GLIS3: variants seen among roughly 807,000 people sequenced by gnomAD.
GLIS3 encodes the protein zinc finger protein GLIS3.
Under a neutral mutation model 78.6 loss-of-function variants are expected in GLIS3, and 53 were observed. That is an observed-to-expected ratio of 0.67 (90% CI 0.54 to 0.85). GLIS3 has a LOEUF of 0.85. Ranked by LOEUF, GLIS3 falls within the 40% of genes least tolerant of loss-of-function variation. The pLI is 0.00. For synonymous variants in GLIS3, 684 were observed against 509.9 expected, an observed-to-expected ratio of 1.34 and a Z score of -4.60; for missense variants, 1,703 against 1,231.1, an observed-to-expected ratio of 1.38 and a Z score of -5.74.
At chr9:4,202,644 G>C (rs1015594449) in intron 2 of GLIS3, among the ~76,000 whole-genome samples, 1 of 152,024 alleles carries the variant, frequency 6.6e-6, no homozygotes, top group Non-Finnish European at 1.5e-5. Context: ...GAATAGAATA[G>C]AGAACCCAGA....
At chr9:4,186,795 T>C (rs981907570) in intron 2 of GLIS3, among the ~76,000 whole-genome samples, 3 of 152,244 alleles carry the variant, frequency 2.0e-5, no homozygotes, top group Admixed American at 2.0e-4. Context: ...CATAAATGTC[T>C]TCTTTTGAGA....
rs1825626769 is a variant in GLIS3, at chr9:4,050,232, T to C, written c.1710+67536A>G. 3.9e-5 allele frequency among the ~76,000 whole-genome samples: 6 copies of C among 152,110 alleles called. No individual in the cohort carries two copies. In the South Asian group the frequency reaches 1.0e-3, roughly 26 times the overall value. ...GCAATGATAGACTGGATTAAGAAAA[T>C]GTGGCACATATACCCCATGGAATAC... On this transcript the variant is annotated intron_variant, in intron 4 of 10. Transcript: ENST00000381971.
the GLIS3 span, among the ~76,000 whole-genome samples, chr9:4,467,920 T>C: frequency 6.6e-6 from 1 of 152,102 alleles, no homozygotes; most frequent in African/African-American, 2.4e-5. Context: ...CTAACTAGAA[T>C]AAACAGCATA....
At chr9:4,120,024 T>C (rs540376969) in intron 3 of GLIS3, among the ~76,000 whole-genome samples, 10 of 152,240 alleles carry the variant, frequency 6.6e-5, no homozygotes, top group Non-Finnish European at 1.5e-4. Context: ...TTATTATATG[T>C]ACCTGCATTG....
chr9:4,009,946 C>G (rs1821864320), intron 4 of GLIS3, among the ~76,000 whole-genome samples: 1 of 152,194 alleles, frequency 6.6e-6, no homozygotes, highest in Non-Finnish European at 1.5e-5. Context: ...CCCAAGTTTT[C>G]CTCTGCCAAA....
rs1817719831 is a variant in GLIS3 at position 3,826,274 on chromosome 9, T to C, written c.*1998A>G. The C allele has an allele frequency of 6.6e-6, 1 of 152,140 alleles. No homozygotes were observed. The highest frequency in any genetic ancestry group is 2.1e-4 in the South Asian group (1 of 4,820). The allele number at this position is 152,140 out of a possible 1,614,324, so 9.4% of individuals were successfully genotyped here. A position where few individuals can be genotyped will look rare whatever the true frequency, so the allele number is the denominator to read the frequency against. ...GATGGTTTCTCTGAAGATAGCAGAG[T>C]TTTTTTCTTTCCAGAGTATGACAAA... On this transcript the variant is annotated 3_prime_UTR_variant, in exon 11 of 11. Transcript: ENST00000381971.
the GLIS3 span, among the ~76,000 whole-genome samples, chr9:4,438,321 C>G: frequency 6.6e-6 from 1 of 151,890 alleles, no homozygotes; most frequent in Non-Finnish European, 1.5e-5. Flanking sequence ...AAGAAAAAAT[C>G]GCAGATATAG....
At chr9:4,055,705 C>G (rs917196831) in intron 4 of GLIS3, among the ~76,000 whole-genome samples, 3 of 152,096 alleles carry the variant, frequency 2.0e-5, no homozygotes, top group Non-Finnish European at 4.4e-5. Context: ...TGATCAGGTC[C>G]AAAATAAAAT....
At chr9:4,029,866 C>A in intron 4 of GLIS3, among the ~76,000 whole-genome samples, 1 of 152,152 alleles carries the variant, frequency 6.6e-6, no homozygotes, top group East Asian at 1.9e-4. Flanking sequence ...TTGGTTGCTT[C>A]CAAATCTTAG....
At position 4,089,510 on chromosome 9, in the gene GLIS3, G is replaced by C. The variant is rs1829314158; in HGVS notation, c.1710+28258C>G. ...AAATTGCTGAGGAATTATTAATGAAGAACATTGCCAAAATGTTAAAAACAT... is the reference window on the plus strand; with the variant it reads ...AAATTGCTGAGGAATTATTAATGAACAACATTGCCAAAATGTTAAAAACAT... On this transcript the variant is annotated intron_variant, in intron 4 of 10. Coordinates refer to ENST00000381971, the MANE Select transcript of GLIS3 (RefSeq NM_001042413.2). 3.3e-5 allele frequency among the ~76,000 whole-genome samples: 5 copies of C among 152,196 alleles called. No homozygotes were observed. In the South Asian group the frequency reaches 1.0e-3, roughly 32 times the overall value.
intron 4 of GLIS3, among the ~76,000 whole-genome samples, chr9:4,097,844 A>G (rs1830080621): frequency 6.6e-6 from 1 of 152,134 alleles, no homozygotes; most frequent in African/African-American, 2.4e-5. Flanking sequence ...AGGCCCACTA[A>G]CCAATTAAGA....
At chr9:3,849,914 A>C (rs1819316267) in intron 9 of GLIS3, among the ~76,000 whole-genome samples, 2 of 152,074 alleles carry the variant, frequency 1.3e-5, no homozygotes, top group African/African-American at 4.8e-5. Context: ...ATCTCAAAAA[A>C]AAAAAAGACA....
chr9:3,829,399 G>C lies in GLIS3; in HGVS notation c.2567C>G (p.Ser856Trp), dbSNP rs780172059. The change falls in exon 10 of 11, where the codon TCG (serine) becomes TGG (tryptophan). Residue 856 changes from serine to tryptophan, a missense_variant. Physicochemically the swap from Ser to Trp is radical, Grantham distance 177. Transcript: ENST00000381971. The part of the protein sequence containing the change: ...PPVSSCSVVP[S>W]FEDCLVPTSM... ...TGTAGGGACTAGGCAGTCCTCAAAC[G>C]AAGGCACCACACTGCAGGAGCTGAC... The C allele has an allele frequency of 5.8e-5, 94 of 1,613,990 alleles. No individual in the cohort carries two copies. The highest frequency in any genetic ancestry group is 7.5e-5 in the Non-Finnish European group (89 of 1,180,002).
At chr9:4,338,097 T>C (rs1473767724) in intron 2 of GLIS3, among the ~76,000 whole-genome samples, 2 of 151,752 alleles carry the variant, frequency 1.3e-5, no homozygotes, top group African/African-American at 4.8e-5. Context: ...TATTTGTCCA[T>C]AGCATGACTT....
At chr9:4,333,012 C>G (rs528969824) in intron 2 of GLIS3, among the ~76,000 whole-genome samples, 7 of 152,334 alleles carry the variant, frequency 4.6e-5, no homozygotes, top group African/African-American at 9.6e-5. Context: ...ACTCTGACAG[C>G]TGCTTTATCT....
intron 6 of GLIS3, among the ~76,000 whole-genome samples, chr9:3,929,333 G>A (rs1427366248): frequency 1.3e-5 from 2 of 152,190 alleles, no homozygotes; most frequent in African/African-American, 4.8e-5. Context: ...TTCCTTTGCA[G>A]AAGAGTTTTT....
chr9:4,048,734 C>G (rs1340253), intron 4 of GLIS3, among the ~76,000 whole-genome samples: 11,260 of 152,148 alleles, frequency 0.074, 537 homozygotes, highest in African/African-American at 0.14. Context: ...GTAATTTCAC[C>G]CCTCTCAAGG....
At chr9:3,836,481 G>A (rs553321328) in intron 9 of GLIS3, among the ~76,000 whole-genome samples, 1 of 152,294 alleles carries the variant, frequency 6.6e-6, no homozygotes, top group African/African-American at 2.4e-5. Flanking sequence ...CCAAGGACAG[G>A]GACACAGAAG....
chr9:4,485,306 C>T, the GLIS3 span, among the ~76,000 whole-genome samples: 43,380 of 151,986 alleles, frequency 0.29, 7,243 homozygotes, highest in East Asian at 0.57. Flanking sequence ...TGAGCCACCG[C>T]GCTCAGCCCT....
Sources: allele counts gnomAD v4.1 joint callset (sites outside exome capture counted in the v4.1 genomes callset), GRCh38; gene constraint gnomAD v4.1.1; transcripts MANE v1.5; gene names NCBI Gene and HGNC (gene_info 2026-07-23, HGNC 2026-07-21).